EPM2A: variants seen among roughly 807,000 people sequenced by gnomAD.
EPM2A encodes the protein laforin.
In EPM2A, 21 loss-of-function variants were observed where a neutral mutation model predicts 26.5. The observed-to-expected ratio is 0.79, with a 90% confidence interval of 0.56 to 1.14. EPM2A has a LOEUF of 1.14. Ranked by LOEUF, EPM2A falls within the 50% of genes most tolerant of loss-of-function variation. EPM2A has a pLI of 0.00. For missense variants in EPM2A, 458 were observed against 440.8 expected (o/e 1.04, Z -0.35); for synonymous variants, 217 against 177.6 (o/e 1.22, Z -1.76).
chr6:145,538,212 C>G (rs1780459757), intron 2 of EPM2A, among the ~76,000 whole-genome samples: 1 of 152,006 alleles, frequency 6.6e-6, no homozygotes, highest in Non-Finnish European at 1.5e-5. Flanking sequence ...CTAATTTATG[C>G]TCCCACCAAC....
intron 1 of EPM2A, among the ~76,000 whole-genome samples, chr6:145,695,022 TG>T (rs1781492437): frequency 6.6e-6 from 1 of 151,990 alleles, no homozygotes; most frequent in African/African-American, 2.4e-5. Flanking sequence ...GTCTTTTGCT[TG>T]AAAGGTGATG....
downstream of EPM2A, among the ~76,000 whole-genome samples, chr6:145,497,493 G>C (rs894164910): frequency 2.0e-5 from 3 of 152,222 alleles, no homozygotes; most frequent in African/African-American, 7.2e-5. Flanking sequence ...CCCTGGTTAG[G>C]AGGTCTCGCA....
intron 4 of EPM2A, among the ~76,000 whole-genome samples, chr6:145,420,673 A>C (rs1437029378): frequency 1.3e-5 from 2 of 152,174 alleles, no homozygotes; most frequent in African/African-American, 4.8e-5. Context: ...ATACTATTTA[A>C]GTGTCTACAT....
intron 4 of EPM2A, among the ~76,000 whole-genome samples, chr6:145,438,324 T>G (rs1195651899): frequency 6.6e-6 from 1 of 152,140 alleles, no homozygotes; most frequent in Non-Finnish European, 1.5e-5. Flanking sequence ...CTGCTAACTG[T>G]AATTGTGTGC....
intron 2 of EPM2A, among the ~76,000 whole-genome samples, chr6:145,513,336 A>G (rs759184450): frequency 6.6e-6 from 1 of 152,226 alleles, no homozygotes; most frequent in Non-Finnish European, 1.5e-5. Flanking sequence ...AGAAATGCAA[A>G]TTAAAACTAC....
chr6:145,537,096 A>AT (rs1485432545), intron 2 of EPM2A, among the ~76,000 whole-genome samples: 1 of 152,154 alleles, frequency 6.6e-6, no homozygotes, highest in African/African-American at 2.4e-5. Context: ...AATTCTGGCC[A>AT]TTTGGGGCCA....
At chr6:145,489,261 C>T (rs1779724780) in intron 4 of EPM2A, among the ~76,000 whole-genome samples, 1 of 151,986 alleles carries the variant, frequency 6.6e-6, no homozygotes, top group South Asian at 2.1e-4. Flanking sequence ...AACTTGTATT[C>T]TAATGATTTA....
At chr6:145,432,421 A>G (rs1015638686) in intron 4 of EPM2A, among the ~76,000 whole-genome samples, 2 of 152,136 alleles carry the variant, frequency 1.3e-5, no homozygotes, top group African/African-American at 4.8e-5. Context: ...CAGGCATGAA[A>G]ACCACATTAA....
chr6:145,406,662 T>A (rs979404419), intron 4 of EPM2A, among the ~76,000 whole-genome samples: 2 of 152,146 alleles, frequency 1.3e-5, no homozygotes, highest in African/African-American at 4.8e-5. Context: ...AGAGACTGGA[T>A]TTTCAGGAAA....
intron 2 of EPM2A, among the ~76,000 whole-genome samples, chr6:145,667,788 G>C (rs1160849177): frequency 2.9e-5 from 4 of 137,386 alleles, no homozygotes; most frequent in African/African-American, 1.2e-4. Flanking sequence ...TGATAGACTG[G>C]ATTAAGAAAA....
intron 2 of EPM2A, among the ~76,000 whole-genome samples, chr6:145,547,389 T>C (rs6570690): frequency 0.051 from 7,723 of 152,114 alleles, 668 homozygotes; most frequent in African/African-American, 0.17. Context: ...GTCACTACAG[T>C]TCAGTGGCCA....
chr6:145,490,160 ACTT>A, intron 4 of EPM2A: 1 of 1,052,622 alleles, frequency 9.5e-7, no homozygotes. Context: ...TACTGAAAGA[ACTT>A]CTTCCATTAC....
intron 4 of EPM2A, among the ~76,000 whole-genome samples, chr6:145,424,811 G>A (rs1778831356): frequency 6.6e-6 from 1 of 152,090 alleles, no homozygotes; most frequent in South Asian, 2.1e-4. Flanking sequence ...ACAGGAAATG[G>A]GCCTTCACCA....
intron 2 of EPM2A, among the ~76,000 whole-genome samples, chr6:145,545,797 A>G (rs1780575194): frequency 6.6e-6 from 1 of 152,164 alleles, no homozygotes; most frequent in African/African-American, 2.4e-5. Flanking sequence ...AACTTCAGTT[A>G]TAACAAACTC....
intron 2 of EPM2A, among the ~76,000 whole-genome samples, chr6:145,581,087 C>T (rs1472275699): frequency 6.6e-6 from 1 of 151,946 alleles, no homozygotes; most frequent in Non-Finnish European, 1.5e-5. Context: ...TTTAAGTAAC[C>T]ACCAAGCTGC....
At chr6:145,478,853 T>C (rs558932274) in intron 4 of EPM2A, among the ~76,000 whole-genome samples, 1 of 151,940 alleles carries the variant, frequency 6.6e-6, no homozygotes, top group Admixed American at 6.6e-5. Flanking sequence ...GATAATGTAG[T>C]CTGTATGATA....
At chr6:145,669,620 T>C (rs1285162833) in intron 2 of EPM2A, among the ~76,000 whole-genome samples, 2 of 152,180 alleles carry the variant, frequency 1.3e-5, no homozygotes, top group Non-Finnish European at 2.9e-5. Context: ...TCATATAAAA[T>C]TTCCAGTCTG....
At chr6:145,494,602 T>A (rs1402386850) in intron 4 of EPM2A, among the ~76,000 whole-genome samples, 1 of 152,136 alleles carries the variant, frequency 6.6e-6, no homozygotes, top group African/African-American at 2.4e-5. Flanking sequence ...GATCTTTCTA[T>A]CTTTTTGATA....
chr6:145,409,614 G>A (rs1430694067), intron 4 of EPM2A, among the ~76,000 whole-genome samples: 2 of 152,238 alleles, frequency 1.3e-5, no homozygotes, highest in South Asian at 2.1e-4. Context: ...TCACCCTAAA[G>A]CTTAGTGGCT....
Sources: gnomAD v4.1 joint callset for allele counts (sites outside exome capture counted in the v4.1 genomes callset) on GRCh38, gnomAD v4.1.1 for gene constraint, MANE v1.5 for transcripts, NCBI Gene and HGNC (gene_info 2026-07-23, HGNC 2026-07-21) for gene names.